Variants in IQCM observed in about 807,000 individuals in gnomAD.
IQCM encodes the protein IQ motif containing M.
A neutral mutation model predicts 57.6 loss-of-function variants in IQCM; 45 were observed. That is an observed-to-expected ratio of 0.78 (90% CI 0.62 to 1.00). The LOEUF (loss-of-function observed/expected upper bound fraction) is 1.00. IQCM is among the 50% of genes least tolerant of loss of function. IQCM has a pLI of 0.00. For missense variants in IQCM, 468 were observed against 511.6 expected (o/e 0.91, Z 0.82); for synonymous variants, 148 against 158.9 (o/e 0.93, Z 0.51).
chr4:149,752,532 C>G (rs1661356451), intron 2 of IQCM, among the ~76,000 whole-genome samples: 1 of 136,720 alleles, frequency 7.3e-6, no homozygotes, highest in Admixed American at 7.5e-5. Context: ...AGCCTGGTAA[C>G]AGAATGAGAC....
intron 5 of IQCM, among the ~76,000 whole-genome samples, chr4:149,694,828 G>A (rs1027713672): frequency 6.6e-6 from 1 of 152,126 alleles, no homozygotes; most frequent in African/African-American, 2.4e-5. Context: ...TACTGTGAAA[G>A]TGCTTCAGGC....
rs1262143630 is a variant in IQCM at position 149,726,136 on chromosome 4, AAAGAAAAG to A, written c.385+7100_385+7107del. ...GAAAGAAAGAAAGAAAGAAAGAAAG[AAAGAAAAG>A]AAAGAAAGAAAGAATTTCATTTTTT... On this transcript the variant is annotated intron_variant, in intron 5 of 13. Coordinates refer to ENST00000636793, the MANE Select transcript of IQCM (RefSeq NM_001363507.2). Among the ~76,000 whole-genome samples the A allele has an allele frequency of 7.1e-3, 1,042 of 146,414 alleles. 10 individuals carry two copies. Among genetic ancestry groups the A allele is most frequent in the African/African-American group, 0.017 (635 of 38,240 alleles).
chr4:149,483,474 TACTA>T (rs1741132770), intron 12 of IQCM, among the ~76,000 whole-genome samples: 1 of 151,994 alleles, frequency 6.6e-6, no homozygotes, highest in Non-Finnish European at 1.5e-5. Context: ...GAGTTTCCAT[TACTA>T]ACTGTTTCAA....
chr4:149,443,867 A>T (rs1164465446), intron 12 of IQCM, among the ~76,000 whole-genome samples: 1 of 151,896 alleles, frequency 6.6e-6, no homozygotes, highest in African/African-American at 2.4e-5. Context: ...TTAACTATTA[A>T]TTTTTTTCAT....
chr4:149,471,077 A>G (rs1423726060), intron 12 of IQCM, among the ~76,000 whole-genome samples: 1 of 152,180 alleles, frequency 6.6e-6, no homozygotes, highest in Non-Finnish European at 1.5e-5. Flanking sequence ...GCAAGAGCAA[A>G]CACATTCAAA....
chr4:149,360,715 C>T (rs1729416549), intron 13 of IQCM, among the ~76,000 whole-genome samples: 1 of 152,176 alleles, frequency 6.6e-6, no homozygotes, highest in South Asian at 2.1e-4. Context: ...TGCCATTCAC[C>T]TCATGCCATG....
At chr4:149,535,625 T>C (rs1465274267) in intron 12 of IQCM, among the ~76,000 whole-genome samples, 1 of 152,070 alleles carries the variant, frequency 6.6e-6, no homozygotes, top group African/African-American at 2.4e-5. Context: ...TATTTTCTAC[T>C]TAAAGAAAAC....
intron 2 of IQCM, among the ~76,000 whole-genome samples, chr4:149,754,907 C>T (rs1253889562): frequency 6.6e-6 from 1 of 152,150 alleles, no homozygotes; most frequent in African/African-American, 2.4e-5. Flanking sequence ...CAAACCATCT[C>T]AAATTTTACA....
chr4:149,544,420 T>A (rs1328578274), intron 12 of IQCM, among the ~76,000 whole-genome samples: 1 of 152,052 alleles, frequency 6.6e-6, no homozygotes, highest in South Asian at 2.1e-4. Context: ...AAGACACAAA[T>A]AATTGAAAAG....
intron 5 of IQCM, among the ~76,000 whole-genome samples, chr4:149,697,848 G>C (rs1468022478): frequency 2.0e-5 from 3 of 152,038 alleles, no homozygotes; most frequent in Non-Finnish European, 4.4e-5. Flanking sequence ...TATAATAGAT[G>C]TTCAATAAAT....
chr4:149,547,171 T>C (rs2149892734), intron 12 of IQCM, among the ~76,000 whole-genome samples: 1 of 152,292 alleles, frequency 6.6e-6, no homozygotes, highest in East Asian at 1.9e-4. Flanking sequence ...TTCTGTTCCA[T>C]TGGTCTATAT....
chr4:149,801,720 G>T (rs1284450644), intron 2 of IQCM, among the ~76,000 whole-genome samples: 3 of 151,872 alleles, frequency 2.0e-5, no homozygotes, highest in Non-Finnish European at 4.4e-5. Context: ...ATAGAGAGTA[G>T]AAGGATGATT....
rs1761595788 is a variant in IQCM, at chr4:149,674,658, C to A, written c.565+7460G>T. 3.3e-5 allele frequency among the ~76,000 whole-genome samples: 5 copies of A among 152,000 alleles called. No individual in the cohort carries two copies. The South Asian group carries it at 1.0e-3, about 31-fold the overall frequency. On this transcript the variant is annotated intron_variant, in intron 7 of 13. Coordinates refer to ENST00000636793, the MANE Select transcript of IQCM (RefSeq NM_001363507.2). ...AAACCTTTCCAGGCAGAGAGAACAA[C>A]ACATACACAGTTCCTGAGTTTGACA...
At chr4:149,748,320 AT>A (rs1271216855) in intron 2 of IQCM, among the ~76,000 whole-genome samples, 1 of 152,204 alleles carries the variant, frequency 6.6e-6, no homozygotes, top group Non-Finnish European at 1.5e-5. Flanking sequence ...CTATTCTTTT[AT>A]GGGCATGCAT....
Position 149,481,701 on chromosome 4 carries a change from G to GTTTTTTTTTTTTTTTT in IQCM, c.1229-48160_1229-48145dup. On this transcript the variant is annotated intron_variant, in intron 12 of 13. Coordinates refer to ENST00000636793, the MANE Select transcript of IQCM (RefSeq NM_001363507.2). ...CATGTAATGTGATTCTTCCAGTTTT[G>GTTTTTTTTTTTTTTTT]TTTTTTTTTTTTTTTTTTTTTGCTT... 1.0e-3 allele frequency among the ~76,000 whole-genome samples: 52 copies of GTTTTTTTTTTTTTTTT among 51,566 alleles called. 1 individual carries two copies. The highest frequency in any genetic ancestry group is 1.7e-3 in the African/African-American group (23 of 13,228). 33.8% of individuals were successfully genotyped at this position (51,566 alleles called of 152,430 possible).
At chr4:149,757,523 A>T (rs992971702) in intron 2 of IQCM, among the ~76,000 whole-genome samples, 57 of 152,252 alleles carry the variant, frequency 3.7e-4, no homozygotes, top group Non-Finnish European at 7.4e-4. Context: ...TAACAAAAAA[A>T]TTTGTAGCAA....
At chr4:149,430,058 T>C in intron 13 of IQCM, 1 of 1,196,892 alleles carries the variant, frequency 8.4e-7, no homozygotes, top group Non-Finnish European at 1.0e-6. Context: ...GCAGTCAGGT[T>C]CTTAATTCAT....
At chr4:149,739,463 TATA>T (rs1477912717) in intron 3 of IQCM, among the ~76,000 whole-genome samples, 2 of 66,694 alleles carry the variant, frequency 3.0e-5, no homozygotes, top group African/African-American at 1.7e-4. Flanking sequence ...ACAGTGTTTA[TATA>T]ATTTTTTTTT....
chr4:149,460,113 C>T (rs113485105), intron 12 of IQCM, among the ~76,000 whole-genome samples: 20 of 152,238 alleles, frequency 1.3e-4, no homozygotes, highest in African/African-American at 4.8e-4. Context: ...AGTAGCCATC[C>T]TAATGTGTAT....
Sources: allele counts gnomAD v4.1 joint callset (sites outside exome capture counted in the v4.1 genomes callset), GRCh38; gene constraint gnomAD v4.1.1; transcripts MANE v1.5; gene names NCBI Gene and HGNC (gene_info 2026-07-23, HGNC 2026-07-21).